The following LRP2 variants were observed in gnomAD, a reference collection of about 807,000 sequenced individuals.
LRP2 encodes low-density lipoprotein receptor-related protein 2.
A neutral mutation model predicts 531.0 loss-of-function variants in LRP2; 172 were observed. That is an observed-to-expected ratio of 0.32 (90% CI 0.29 to 0.37). LRP2 has a LOEUF of 0.37. LRP2 is among the 10% of genes least tolerant of loss of function. LRP2 has a pLI of 1.00. For missense variants in LRP2, 5,167 were observed against 5,868.3 expected, an observed-to-expected ratio of 0.88 and a Z score of 3.90; for synonymous variants, 1,992 against 2,027.6, an observed-to-expected ratio of 0.98 and a Z score of 0.47.
At position 169,231,799 on chromosome 2, in the gene LRP2, C is replaced by A. The variant is rs748677866; in HGVS notation, c.5142G>T (p.Leu1714=). ...AAAAATGAGGCCCCTGTGAGGAAAG[C>A]AGGCAGAGATGGCTGCAGCGGGAAA... ...CAFSRCSHLC[L]LSSQGPHFYS... The change falls in exon 31 of 79, where the codon CTG becomes CTT. Residue 1714 remains leucine, a synonymous_variant. Transcript: ENST00000649046. 6.2e-7 allele frequency: 1 copy of A among 1,614,024 alleles called. No homozygotes were observed. The highest frequency in any genetic ancestry group is 1.7e-5 in the Admixed American group (1 of 60,002).
intron 1 of LRP2, among the ~76,000 whole-genome samples, chr2:169,344,529 C>G (rs1457257671): frequency 6.6e-6 from 1 of 152,154 alleles, no homozygotes; most frequent in Non-Finnish European, 1.5e-5. Context: ...TTAATGCAAT[C>G]AAGCTTTACA....
intron 36 of LRP2, among the ~76,000 whole-genome samples, chr2:169,212,488 T>G (rs1688629086): frequency 6.6e-6 from 1 of 152,186 alleles, no homozygotes; most frequent in South Asian, 2.1e-4. Flanking sequence ...GGTCAGTATA[T>G]AAATCTGCTC....
At chr2:169,168,018 A>AATATATATATATATATATACATATAT (rs1686847159) in intron 61 of LRP2, among the ~76,000 whole-genome samples, 1 of 68,186 alleles carries the variant, frequency 1.5e-5, no homozygotes, top group Non-Finnish European at 2.9e-5. Context: ...CAGGGTTTAA[A>AATATATATATATATATATACATATAT]ATATATATAT....
chr2:169,272,621 G>A (rs1292629796), intron 15 of LRP2, among the ~76,000 whole-genome samples: 1 of 152,110 alleles, frequency 6.6e-6, no homozygotes, highest in East Asian at 1.9e-4. Context: ...GGAATTTCAA[G>A]ATCATAGTTA....
At chr2:169,307,015 A>C (rs997746135) in intron 4 of LRP2, among the ~76,000 whole-genome samples, 2 of 152,244 alleles carry the variant, frequency 1.3e-5, no homozygotes, top group East Asian at 3.8e-4. Context: ...CCTTCCTTTC[A>C]GAATCTATGT....
intron 4 of LRP2, among the ~76,000 whole-genome samples, chr2:169,303,919 TA>T (rs532978337): frequency 4.6e-4 from 70 of 151,640 alleles, no homozygotes; most frequent in African/African-American, 8.9e-4. Context: ...TTTTTTTAAA[TA>T]AAAAAAAACT....
intron 1 of LRP2, among the ~76,000 whole-genome samples, chr2:169,345,543 T>G (rs1181932583): frequency 6.6e-6 from 1 of 152,004 alleles, no homozygotes; most frequent in Non-Finnish European, 1.5e-5. Flanking sequence ...TTAGTGGGGG[T>G]GATTGAACTG....
Position 169,206,487 on chromosome 2 carries a change from A to G in LRP2, c.7233T>C (p.Pro2411=). The change falls in exon 39 of 79, where the codon CCT becomes CCC. Residue 2411 remains proline, a synonymous_variant. Coordinates refer to ENST00000649046, the MANE Select transcript of LRP2 (RefSeq NM_004525.3). ...LHLDPENHSP[P]FQTINVERTV... Reference sequence around the variant, plus strand: ...TTCTTTCCACATTTATTGTTTGGAAAGGTGGGCTATGGTTTTCAGGGTCCA... The same window carrying G: ...TTCTTTCCACATTTATTGTTTGGAAGGGTGGGCTATGGTTTTCAGGGTCCA... The G allele has an allele frequency of 6.2e-7, 1 of 1,614,216 alleles. No homozygotes were observed. Among genetic ancestry groups the G allele is most frequent in the African/African-American group, 1.3e-5 (1 of 75,062 alleles).
intron 68 of LRP2, among the ~76,000 whole-genome samples, chr2:169,149,719 C>T (rs1416698646): frequency 6.6e-6 from 1 of 151,932 alleles, no homozygotes; most frequent in African/African-American, 2.4e-5. Flanking sequence ...TGCCTATAAT[C>T]CCAGCTGCCA....
At chr2:169,204,319 TAA>T (rs1688304406) in intron 41 of LRP2, 48 bp from the exon 42 acceptor site, 1 of 1,583,658 alleles carries the variant, frequency 6.3e-7, no homozygotes, top group Admixed American at 1.7e-5. Flanking sequence ...TCAAGTGAGT[TAA>T]GTTTTCAACT....
chr2:169,172,862 TA>T (rs564800016), intron 57 of LRP2, among the ~76,000 whole-genome samples: 318 of 152,338 alleles, frequency 2.1e-3, no homozygotes, highest in African/African-American at 7.0e-3. Flanking sequence ...AACATCTTAA[TA>T]ACGTCTTCCT....
At chr2:169,181,737 TGAATTCTTTTCTGCATTCA>T in intron 51 of LRP2, 119 bp from the exon 52 acceptor site, 1 of 69,982 alleles carries the variant, frequency 1.4e-5, no homozygotes. Context: ...GACTGCATTC[TGAATTCTTTTCTGCATTCA>T]GAAAAGAAAG....
chr2:169,194,329 C>A (rs947690640), intron 46 of LRP2, among the ~76,000 whole-genome samples: 1 of 152,164 alleles, frequency 6.6e-6, no homozygotes, highest in Non-Finnish European at 1.5e-5. Flanking sequence ...TTAGCACCAC[C>A]TTTCAACATA....
At chr2:169,246,303 C>T (rs1205967487) in intron 21 of LRP2, among the ~76,000 whole-genome samples, 3 of 151,978 alleles carry the variant, frequency 2.0e-5, no homozygotes, top group African/African-American at 4.8e-5. Context: ...GACCGGATTT[C>T]GTCATGTTTC....
chr2:169,140,640 G>T, intron 71 of LRP2, 95 bp from the exon 72 acceptor site: 1 of 859,396 alleles, frequency 1.2e-6, no homozygotes, highest in Non-Finnish European at 1.9e-6. Flanking sequence ...TGGGAGGAGG[G>T]GCAGGCCAGC....
At chr2:169,248,623 A>AAAGAAATAAATAATTATTGCTATTTT (rs1419618679) in intron 19 of LRP2, among the ~76,000 whole-genome samples, 22 of 150,228 alleles carry the variant, frequency 1.5e-4, no homozygotes, top group South Asian at 4.2e-4. Flanking sequence ...AGCAATGTTG[A>AAAGAAATAAATAATTATTGCTATTTT]GGGGAGGAGC....
At chr2:169,235,706 T>C in intron 29 of LRP2, 134 bp downstream of exon 29, 1 of 720,598 alleles carries the variant, frequency 1.4e-6, no homozygotes, top group East Asian at 2.7e-5. Flanking sequence ...CCTCTCACTG[T>C]TGCTGGTATT....
chr2:169,234,230 T>C (rs1689520072), intron 29 of LRP2, among the ~76,000 whole-genome samples: 1 of 152,180 alleles, frequency 6.6e-6, no homozygotes, highest in Non-Finnish European at 1.5e-5. Flanking sequence ...GCTGCACCCA[T>C]CAACCCATCA....
chr2:169,300,855 G>A (rs1684269820), intron 4 of LRP2, among the ~76,000 whole-genome samples: 1 of 152,054 alleles, frequency 6.6e-6, no homozygotes, highest in East Asian at 1.9e-4. Flanking sequence ...AACTGAGTTT[G>A]AAGAACATGT....
Sources: gnomAD v4.1 joint callset for allele counts (sites outside exome capture counted in the v4.1 genomes callset) on GRCh38, gnomAD v4.1.1 for gene constraint, MANE v1.5 for transcripts, NCBI Gene and HGNC (gene_info 2026-07-23, HGNC 2026-07-21) for gene names.